TTC23: variants seen among roughly 807,000 people sequenced by gnomAD.
TTC23 encodes the protein tetratricopeptide repeat domain 23, also known as tetratricopeptide repeat protein 23.
TTC23 carries 58 observed loss-of-function variants against 55.1 expected under a neutral mutation model. The ratio of observed to expected loss-of-function variants is 1.05; its 90% confidence interval spans 0.85 to 1.31. The LOEUF is 1.31. TTC23 is among the 50% of genes most tolerant of loss of function. The probability of loss-of-function intolerance (pLI) is 0.00; values close to 1 mark genes in which losing one functional copy is unlikely to be tolerated. For missense variants in TTC23, 516 were observed against 534.4 expected (o/e 0.97, Z 0.34); for synonymous variants, 203 against 199.9 (o/e 1.02, Z -0.13).
chr15:99,171,878 G>C (rs1008950787), intron 10 of TTC23, among the ~76,000 whole-genome samples: 1 of 151,866 alleles, frequency 6.6e-6, no homozygotes, highest in Non-Finnish European at 1.5e-5. Flanking sequence ...CCTCTCAGTC[G>C]TCTTTTGCTT....
chr15:99,191,343 C>A (rs117089541), intron 9 of TTC23, among the ~76,000 whole-genome samples: 2 of 152,304 alleles, frequency 1.3e-5, no homozygotes, highest in East Asian at 3.9e-4. Context: ...AAACCAAACT[C>A]AGATCTTTGA....
chr15:99,180,100 C>T (rs1461129148), intron 9 of TTC23, among the ~76,000 whole-genome samples: 2 of 152,174 alleles, frequency 1.3e-5, no homozygotes, highest in African/African-American at 2.4e-5. Context: ...ATGGGCCTCG[C>T]TGGGGCTCCA....
At chr15:99,215,697 T>C (rs2077425045) in intron 8 of TTC23, among the ~76,000 whole-genome samples, 1 of 151,974 alleles carries the variant, frequency 6.6e-6, no homozygotes, top group Non-Finnish European at 1.5e-5. Flanking sequence ...CTGTGAACCA[T>C]GACCCCACCA....
At chr15:99,158,230 A>G (rs1198262755) in intron 11 of TTC23, 1 of 152,214 alleles carries the variant, frequency 6.6e-6, no homozygotes, top group Non-Finnish European at 1.5e-5. Context: ...AGCCCATCAC[A>G]TCTCCCAAGT....
rs782239016 is a variant in TTC23, at chr15:99,138,034, G to C, written c.1320C>G (p.Ala440=). The C allele has an allele frequency of 3.7e-6, 6 of 1,613,990 alleles. No homozygotes were observed. The highest frequency in any genetic ancestry group is 5.1e-6 in the Non-Finnish European group (6 of 1,180,016). Residue 440 remains alanine, a synonymous_variant, in exon 14 of 14, where the codon GCC becomes GCG. Coordinates refer to ENST00000394132, the MANE Select transcript of TTC23 (RefSeq NM_001288615.3). ...SIPQDTLLGK[A]RPGTTAD Reference sequence around the variant, plus strand: ...CTCAGTCTGCTGTTGTGCCGGGCCGGGCCTTCCCCAGCAGGGTGTCCTGAG... The same window carrying C: ...CTCAGTCTGCTGTTGTGCCGGGCCGCGCCTTCCCCAGCAGGGTGTCCTGAG...
chr15:99,155,959 T>C, intron 12 of TTC23, 189 bp downstream of exon 12: 1 of 642,370 alleles, frequency 1.6e-6, no homozygotes, highest in Non-Finnish European at 2.6e-6. Flanking sequence ...AAAATATGTA[T>C]GTCTAAGAGG....
At chr15:99,240,470 G>C (rs1331710611) in intron 3 of TTC23, among the ~76,000 whole-genome samples, 1 of 151,970 alleles carries the variant, frequency 6.6e-6, no homozygotes, top group Admixed American at 6.6e-5. Context: ...GTAGATTTTG[G>C]GGTTTCTGAC....
At chr15:99,205,901 A>C (rs1178146761) in intron 8 of TTC23, among the ~76,000 whole-genome samples, 3 of 152,200 alleles carry the variant, frequency 2.0e-5, no homozygotes, top group African/African-American at 7.2e-5. Context: ...CTTAGAGGAA[A>C]GGCTTTCAGT....
chr15:99,231,769 G>A (rs2078955060), intron 4 of TTC23, among the ~76,000 whole-genome samples: 1 of 151,540 alleles, frequency 6.6e-6, no homozygotes, highest in Non-Finnish European at 1.5e-5. Flanking sequence ...TGGGATTACG[G>A]GCATTAGCCA....
chr15:99,184,138 C>T (rs2074435815), intron 9 of TTC23, among the ~76,000 whole-genome samples: 1 of 152,186 alleles, frequency 6.6e-6, no homozygotes, highest in African/African-American at 2.4e-5. Flanking sequence ...GCCTGGGTGT[C>T]CAGGCAGAAG....
At chr15:99,144,009 A>G (rs943534353) in intron 12 of TTC23, among the ~76,000 whole-genome samples, 1 of 152,150 alleles carries the variant, frequency 6.6e-6, no homozygotes, top group East Asian at 1.9e-4. Flanking sequence ...GGGAAGTTCC[A>G]CTGGGTGTGT....
intron 6 of TTC23, among the ~76,000 whole-genome samples, chr15:99,219,903 T>C (rs758083503): frequency 6.1e-4 from 93 of 152,222 alleles, no homozygotes; most frequent in Non-Finnish European, 1.2e-3. Flanking sequence ...CCTATGTCTA[T>C]AAAACAGGAA....
intron 12 of TTC23, among the ~76,000 whole-genome samples, chr15:99,152,295 C>T (rs1405530051): frequency 3.3e-5 from 5 of 152,218 alleles, no homozygotes; most frequent in South Asian, 4.1e-4. Flanking sequence ...CAGCATCATG[C>T]TTGCACAGCC....
intron 9 of TTC23, among the ~76,000 whole-genome samples, chr15:99,193,291 G>A (rs1390228665): frequency 6.6e-6 from 1 of 152,172 alleles, no homozygotes; most frequent in African/African-American, 2.4e-5. Flanking sequence ...GAATGATATG[G>A]TTTGGCTCTG....
At position 99,218,954 on chromosome 15, in the gene TTC23, G is replaced by C; in HGVS notation, c.399C>G (p.Phe133Leu). Residue 133 changes from phenylalanine to leucine, a missense_variant, in exon 7 of 14, where the codon TTC becomes TTG. Coordinates refer to ENST00000394132, the MANE Select transcript of TTC23 (RefSeq NM_001288615.3). ...VPPYSENTDV[F>L]KFSIELFHTM... is the part of the protein sequence containing the mutation. ...TATGGAAAAGCTCAATGGAAAACTT[G>C]AAAACATCTGTATTCTCACTATAGG... 6.2e-7 allele frequency: 1 copy of C among 1,614,160 alleles called. No homozygotes were observed. Among genetic ancestry groups the C allele is most frequent in the Non-Finnish European group, 8.5e-7 (1 of 1,180,010 alleles).
In TTC23 at chr15:99,161,734, A is replaced by G. The variant is rs1354634118; in HGVS notation, c.993+6T>C. 2 of 1,608,676 alleles carry G rather than the reference A, an allele frequency of 1.2e-6. No individual in the cohort carries two copies. The highest frequency in any genetic ancestry group is 1.3e-5 in the African/African-American group (1 of 74,718). ...AACTAGACAATTGTGATCCAAACTC[A>G]CTTACCTCTTTTTGTCCAGTCATTT... On this transcript the variant is annotated splice_donor_region_variant and intron_variant, in intron 11 of 13. Transcript: ENST00000394132.
intron 9 of TTC23, among the ~76,000 whole-genome samples, chr15:99,183,115 C>T (rs980196923): frequency 6.6e-6 from 1 of 152,106 alleles, no homozygotes; most frequent in Non-Finnish European, 1.5e-5. Flanking sequence ...ATGGCTTTGG[C>T]CAAAATGCTG....
chr15:99,229,077 T>C (rs576050633), intron 4 of TTC23, among the ~76,000 whole-genome samples: 1 of 148,350 alleles, frequency 6.7e-6, no homozygotes, highest in Non-Finnish European at 1.5e-5. Context: ...TATGTATTTG[T>C]ATGTACATAT....
intron 1 of TTC23, among the ~76,000 whole-genome samples, chr15:99,246,258 A>G (rs2080231829): frequency 6.6e-6 from 1 of 152,380 alleles, no homozygotes; most frequent in South Asian, 2.1e-4. Context: ...AATGGGAGAC[A>G]ATATTTGTAA....
Sources: allele counts gnomAD v4.1 joint callset (sites outside exome capture counted in the v4.1 genomes callset), GRCh38; gene constraint gnomAD v4.1.1; transcripts MANE v1.5; gene names NCBI Gene and HGNC (gene_info 2026-07-23, HGNC 2026-07-21).